The following LUZP2 variants were observed in gnomAD, a reference collection of about 807,000 sequenced individuals.
LUZP2 encodes the protein leucine zipper protein 2.
In LUZP2, 52 loss-of-function variants were observed where a neutral mutation model predicts 51.6. The observed-to-expected ratio is 1.01, with a 90% CI of 0.81 to 1.27. The LOEUF is 1.27. Ranked by LOEUF, LUZP2 falls within the 50% of genes most tolerant of loss-of-function variation. LUZP2 has a pLI of 0.00. For synonymous variants in LUZP2, 154 were observed against 137.3 expected (o/e 1.12, Z -0.85); for missense variants, 436 against 395.4 (o/e 1.10, Z -0.87).
At chr11:24,896,295 C>A (rs182735339) in intron 5 of LUZP2, among the ~76,000 whole-genome samples, 1 of 151,974 alleles carries the variant, frequency 6.6e-6, no homozygotes, top group Non-Finnish European at 1.5e-5. Context: ...GAGGGAGAGG[C>A]GCCGCCAGAA....
chr11:24,791,382 C>T (rs145132564), intron 5 of LUZP2, among the ~76,000 whole-genome samples: 1,787 of 152,026 alleles, frequency 0.012, 20 homozygotes, highest in Admixed American at 0.019. Flanking sequence ...TAAAGGTATA[C>T]CTTTTATGGA....
intron 1 of LUZP2, among the ~76,000 whole-genome samples, chr11:24,577,100 C>A (rs950703666): frequency 6.6e-6 from 1 of 151,638 alleles, no homozygotes; most frequent in African/African-American, 2.4e-5. Flanking sequence ...CTCTTGAAAT[C>A]ATTAACAATT....
At chr11:25,054,326 AT>A (rs1406102071) in intron 10 of LUZP2, among the ~76,000 whole-genome samples, 1 of 152,100 alleles carries the variant, frequency 6.6e-6, no homozygotes, top group African/African-American at 2.4e-5. Context: ...ACAAGCTTTT[AT>A]TTTCAATAAA....
chr11:24,801,506 T>C (rs974030), intron 5 of LUZP2, among the ~76,000 whole-genome samples: 2 of 152,006 alleles, frequency 1.3e-5, no homozygotes, highest in South Asian at 2.1e-4. Context: ...CACTACTTTA[T>C]TGTGATTATT....
At chr11:24,717,681 C>T (rs1346737272) in intron 1 of LUZP2, among the ~76,000 whole-genome samples, 1 of 152,038 alleles carries the variant, frequency 6.6e-6, no homozygotes, top group Non-Finnish European at 1.5e-5. Flanking sequence ...TCCGAAAGTG[C>T]TGGGATTACA....
chr11:24,545,075 G>A (rs1851496774), intron 1 of LUZP2, among the ~76,000 whole-genome samples: 1 of 151,804 alleles, frequency 6.6e-6, no homozygotes, highest in Non-Finnish European at 1.5e-5. Context: ...TTGGGCACAT[G>A]TATGTCTTCT....
In LUZP2 at chr11:24,883,426, ATTC is replaced by A. The variant is rs199913060; in HGVS notation, c.397-22559_397-22557del. 1.1e-4 allele frequency among the ~76,000 whole-genome samples: 17 copies of A among 149,260 alleles called. No homozygotes were observed. The East Asian group carries it at 2.3e-3, about 20-fold the overall frequency. ...GAACAAAAAAGCAAATGATGAGCATATTCTTCTTACTGCCACTCCATGGGAATT... is the reference window on the plus strand; with the variant it reads ...GAACAAAAAAGCAAATGATGAGCATATTCTTACTGCCACTCCATGGGAATT... On this transcript the variant is annotated intron_variant, in intron 5 of 11. Coordinates refer to ENST00000336930, the MANE Select transcript of LUZP2 (RefSeq NM_001009909.4).
intron 1 of LUZP2, among the ~76,000 whole-genome samples, chr11:24,639,818 A>C (rs1855222579): frequency 6.6e-6 from 1 of 151,802 alleles, no homozygotes; most frequent in South Asian, 2.1e-4. Flanking sequence ...ATATGTGGAC[A>C]TTCTCTCTCA....
chr11:24,834,328 G>A (rs1354104579), intron 5 of LUZP2, among the ~76,000 whole-genome samples: 1 of 151,956 alleles, frequency 6.6e-6, no homozygotes, highest in African/African-American at 2.4e-5. Context: ...TCCCACTTGT[G>A]AGTGAGAACA....
chr11:24,549,373 T>C (rs1021142499), intron 1 of LUZP2, among the ~76,000 whole-genome samples: 2 of 152,082 alleles, frequency 1.3e-5, no homozygotes, highest in South Asian at 2.1e-4. Context: ...TCTCCTACGA[T>C]AACAATGCCT....
intron 5 of LUZP2, among the ~76,000 whole-genome samples, chr11:24,819,364 A>T (rs753090847): frequency 1.3e-5 from 2 of 151,964 alleles, no homozygotes; most frequent in Admixed American, 6.6e-5. Context: ...GAATGATAGG[A>T]CTTAATTTCC....
At chr11:24,759,670 A>G (rs962380740) in intron 4 of LUZP2, among the ~76,000 whole-genome samples, 1 of 152,188 alleles carries the variant, frequency 6.6e-6, no homozygotes, top group Admixed American at 6.6e-5. Context: ...AGTTCGTGAC[A>G]TAACTAAAGA....
chr11:24,807,098 T>A (rs1849876825), intron 5 of LUZP2, among the ~76,000 whole-genome samples: 1 of 151,292 alleles, frequency 6.6e-6, no homozygotes, highest in Non-Finnish European at 1.5e-5. Context: ...TATAGGTCAT[T>A]ACAAAGGAAG....
chr11:24,680,774 A>G (rs1856707200), intron 1 of LUZP2, among the ~76,000 whole-genome samples: 1 of 152,158 alleles, frequency 6.6e-6, no homozygotes, highest in African/African-American at 2.4e-5. Context: ...TTCATTTTAT[A>G]CATATAGGAA....
At chr11:24,761,733 C>A (rs1859986453) in intron 4 of LUZP2, among the ~76,000 whole-genome samples, 1 of 151,998 alleles carries the variant, frequency 6.6e-6, no homozygotes, top group South Asian at 2.1e-4. Flanking sequence ...TGGTTACTAC[C>A]ATAACAAATT....
chr11:24,999,491 GAA>G (rs1856613078), intron 9 of LUZP2, among the ~76,000 whole-genome samples: 1 of 139,018 alleles, frequency 7.2e-6, no homozygotes, highest in African/African-American at 3.1e-5. Context: ...GAAGAAGAGA[GAA>G]AGAGAAGGAG....
chr11:24,949,732 A>G (rs1344769386), intron 7 of LUZP2, among the ~76,000 whole-genome samples: 3 of 151,630 alleles, frequency 2.0e-5, no homozygotes, highest in Admixed American at 6.6e-5. Flanking sequence ...TCTGCCTCAG[A>G]AGGTTCGAGT....
intron 10 of LUZP2, among the ~76,000 whole-genome samples, chr11:25,075,517 T>C (rs1313914703): frequency 6.6e-6 from 1 of 152,196 alleles, no homozygotes; most frequent in Non-Finnish European, 1.5e-5. Context: ...CTAGTGGAGA[T>C]AAATGTTGCC....
chr11:24,578,014 A>G (rs527360409), intron 1 of LUZP2, among the ~76,000 whole-genome samples: 2 of 152,266 alleles, frequency 1.3e-5, no homozygotes, highest in Admixed American at 6.5e-5. Flanking sequence ...GAGCTCAGCC[A>G]TCGCTCAGCA....
Sources: gnomAD v4.1 joint callset for allele counts (sites outside exome capture counted in the v4.1 genomes callset) on GRCh38, gnomAD v4.1.1 for gene constraint, MANE v1.5 for transcripts, NCBI Gene and HGNC (gene_info 2026-07-23, HGNC 2026-07-21) for gene names.